The following ADGRV1 variants were observed in gnomAD, a reference collection of about 807,000 sequenced individuals.
The protein encoded by ADGRV1 is adhesion G protein-coupled receptor V1.
Under a neutral mutation model 596.2 loss-of-function variants are expected in ADGRV1, and 359 were observed. The ratio of observed to expected loss-of-function variants is 0.60; its 90% CI spans 0.55 to 0.66. The LOEUF (loss-of-function observed/expected upper bound fraction) is 0.66, where lower values mean the gene tolerates loss of function less well. ADGRV1 is among the 30% of genes least tolerant of loss of function. ADGRV1 has a pLI of 0.00. For synonymous variants in ADGRV1, 2,681 were observed against 2,679.2 expected (o/e 1.00, Z -0.02); for missense variants, 7,274 against 7,575.6 (o/e 0.96, Z 1.48).
Position 90,645,987 on chromosome 5 carries a change from A to C in ADGRV1, c.2918A>C (p.Glu973Ala), listed in dbSNP as rs1344144878. 3 of 1,595,396 alleles carry C rather than the reference A, an allele frequency of 1.9e-6. No individual in the cohort carries two copies. The highest frequency in any genetic ancestry group is 3.4e-5 in the Admixed American group (2 of 58,710). Residue 973 changes from glutamate to alanine, a missense_variant, in exon 16 of 90, where the codon GAA becomes GCA. Physicochemically the swap from Glu to Ala is moderately radical, Grantham distance 107. This residue lies in a region of ADGRV1 where 1,715 missense variants were observed against 1,708.8 expected (regional missense o/e 1.00). Coordinates refer to ENST00000405460, the MANE Select transcript of ADGRV1 (RefSeq NM_032119.4). ...CCAAAGATTCCAGAAGAAATGGAAG[A>C]ATTTACCGTTATCCTACTGAATGGC... is the stretch of plus-strand genomic sequence containing the variant. ...LPDEIPEEME[E>A]FTVILLNGTG...
At chr5:90,874,726 C>T (rs1264535844) in intron 83 of ADGRV1, among the ~76,000 whole-genome samples, 1 of 151,894 alleles carries the variant, frequency 6.6e-6, no homozygotes, top group African/African-American at 2.4e-5. Context: ...GGCGTGGTGG[C>T]ATGCACCTGT....
In ADGRV1 at chr5:90,863,742, T is replaced by G; in HGVS notation, c.17756-15T>G. 1 of 1,584,746 alleles carries G rather than the reference T, an allele frequency of 6.3e-7. No individual in the cohort carries two copies. Among genetic ancestry groups the G allele is most frequent in the African/African-American group, 1.3e-5 (1 of 74,464 alleles). Reference sequence around the variant, plus strand: ...TGGATTATTAAACCATATGTGGACTTTTTTGTTCCTACAGGTCTTTGCTTG... The same window carrying G: ...TGGATTATTAAACCATATGTGGACTGTTTTGTTCCTACAGGTCTTTGCTTG... On this transcript the variant is annotated splice_polypyrimidine_tract_variant and intron_variant, in intron 82 of 89. Coordinates refer to ENST00000405460, the MANE Select transcript of ADGRV1 (RefSeq NM_032119.4).
At chr5:90,837,738 A>G (rs1765094693) in intron 77 of ADGRV1, among the ~76,000 whole-genome samples, 1 of 152,218 alleles carries the variant, frequency 6.6e-6, no homozygotes, top group South Asian at 2.1e-4. Context: ...GAACTATGAA[A>G]TAAATCCTGC....
Position 90,853,272 on chromosome 5 carries a change from T to C in ADGRV1, c.17205-12T>C. ...ATGCCATTTTTACAGACCCTTTGCT[T>C]TTCTGTTGTAGAAGCAAAACCATCC... On this transcript the variant is annotated splice_polypyrimidine_tract_variant and intron_variant, in intron 79 of 89. Coordinates refer to ENST00000405460, the MANE Select transcript of ADGRV1 (RefSeq NM_032119.4). 6.3e-7 allele frequency: 1 copy of C among 1,590,962 alleles called. No homozygotes were observed. The highest frequency in any genetic ancestry group is 1.1e-5 in the South Asian group (1 of 87,236).
intron 83 of ADGRV1, among the ~76,000 whole-genome samples, chr5:90,931,398 A>C (rs551799469): frequency 2.6e-5 from 4 of 152,210 alleles, no homozygotes; most frequent in Non-Finnish European, 5.9e-5. Context: ...TATCCAGCTC[A>C]CTTAATGAAG....
In ADGRV1 at chr5:90,823,403, T is replaced by G. The variant is rs1340426203; in HGVS notation, c.16197-22T>G. 5.0e-6 allele frequency: 8 copies of G among 1,611,552 alleles called. No homozygotes were observed. The South Asian group carries it at 8.9e-5, about 18-fold the overall frequency. On this transcript the variant is annotated intron_variant, in intron 75 of 89. Transcript: ENST00000405460. ...GGGGATGACACCCTCTGTTAAGGCA[T>G]TGGTGGGTTTCTTGCTCACAGGGCC...
At chr5:90,786,356 A>C (rs185942644) in intron 67 of ADGRV1, among the ~76,000 whole-genome samples, 17 of 152,366 alleles carry the variant, frequency 1.1e-4, no homozygotes, top group Admixed American at 2.6e-4. Context: ...CTATGTGTCA[A>C]ACCTGCACGT....
At chr5:90,633,619 TA>T (rs1765776960) in intron 9 of ADGRV1, among the ~76,000 whole-genome samples, 1 of 151,872 alleles carries the variant, frequency 6.6e-6, no homozygotes, top group South Asian at 2.1e-4. Context: ...TAAATAAATA[TA>T]TATGTGTATA....
At chr5:90,832,569 G>A (rs1581259111) in intron 77 of ADGRV1, among the ~76,000 whole-genome samples, 1 of 152,076 alleles carries the variant, frequency 6.6e-6, no homozygotes, top group East Asian at 1.9e-4. Context: ...TCACTTTGTT[G>A]ATTGTTTCTT....
At chr5:90,754,866 C>A (rs921062246) in intron 54 of ADGRV1, 117 bp from the exon 55 acceptor site, 3 of 694,500 alleles carry the variant, frequency 4.3e-6, no homozygotes, top group Non-Finnish European at 7.3e-6. Flanking sequence ...CTTTGTTTTA[C>A]TTCTTTTTCC....
intron 60 of ADGRV1, among the ~76,000 whole-genome samples, chr5:90,774,958 T>C (rs1758071177): frequency 6.6e-6 from 1 of 152,226 alleles, no homozygotes; most frequent in African/African-American, 2.4e-5. Flanking sequence ...TGTTTTCATC[T>C]GAAAGTAGTT....
rs564292510 is a variant in ADGRV1, at chr5:90,972,229, T to G, written c.17973+6698T>G. On this transcript the variant is annotated intron_variant, in intron 84 of 89. Transcript: ENST00000405460. ...AGTCCTTAGAGACCTACAAAGAGAC[T>G]TAGACTGCCACACAATAATAATGGG... Among the ~76,000 whole-genome samples, 29 of 152,272 alleles carry G rather than the reference T, an allele frequency of 1.9e-4. No homozygotes were observed. In the South Asian group the frequency reaches 5.8e-3, roughly 30 times the overall value.
chr5:90,863,670 C>A, intron 82 of ADGRV1, 87 bp from the exon 83 acceptor site: 1 of 963,850 alleles, frequency 1.0e-6, no homozygotes, highest in Non-Finnish European at 1.7e-6. Flanking sequence ...ACCTGACATG[C>A]CTAGCTGCCC....
intron 83 of ADGRV1, among the ~76,000 whole-genome samples, chr5:90,917,860 TTCA>T (rs1773522387): frequency 6.6e-6 from 1 of 152,280 alleles, no homozygotes; most frequent in African/African-American, 2.4e-5. Flanking sequence ...CATCATCATC[TTCA>T]TCATCATCAC....
intron 2 of ADGRV1, 111 bp from the exon 3 acceptor site, chr5:90,617,693 C>A: frequency 1.1e-6 from 1 of 894,506 alleles, no homozygotes; most frequent in Non-Finnish European, 1.7e-6. Flanking sequence ...TATCTATAAA[C>A]ATAAATGTCA....
chr5:90,619,594 CT>C lies in ADGRV1; in HGVS notation c.453+422del, dbSNP rs569934413. Among the ~76,000 whole-genome samples, 774 of 151,280 alleles carry C rather than the reference CT, an allele frequency of 5.1e-3. 4 individuals are homozygous for C. The highest frequency in any genetic ancestry group is 0.019 in the South Asian group (91 of 4,762). On this transcript the variant is annotated intron_variant, in intron 4 of 89. Transcript: ENST00000405460. ...GAAAGCATATTGAAAGAATACTTTT[CT>C]TTTTTTTTAATTATTATTATTATAC...
At chr5:91,031,205 A>G (rs1187372591) in intron 85 of ADGRV1, 5 of 1,553,474 alleles carry the variant, frequency 3.2e-6, no homozygotes, top group African/African-American at 1.4e-5. Context: ...CGAGATTTCC[A>G]GGAGTGTGTC....
intron 83 of ADGRV1, among the ~76,000 whole-genome samples, chr5:90,940,526 G>T (rs1251464789): frequency 1.3e-5 from 2 of 152,164 alleles, no homozygotes; most frequent in African/African-American, 4.8e-5. Context: ...TATATGCACT[G>T]GGTATAAATA....
At chr5:90,748,652 C>T (rs2149934056) in intron 52 of ADGRV1, among the ~76,000 whole-genome samples, 1 of 152,186 alleles carries the variant, frequency 6.6e-6, no homozygotes, top group East Asian at 1.9e-4. Context: ...TTATTAGGTA[C>T]TCACTTGTTT....
Sources: gnomAD v4.1 joint callset for allele counts (sites outside exome capture counted in the v4.1 genomes callset) on GRCh38, gnomAD v4.1.1 for gene constraint, gnomAD v4.1.1 regional missense constraint, MANE v1.5 for transcripts, NCBI Gene and HGNC (gene_info 2026-07-23, HGNC 2026-07-21) for gene names.